Variants in CTNNA2 observed in about 807,000 individuals in gnomAD.
The protein encoded by CTNNA2 is catenin alpha 2.
Under a neutral mutation model 101.0 loss-of-function variants are expected in CTNNA2, and 42 were observed. That is an observed-to-expected ratio of 0.42 (90% CI 0.32 to 0.54). The LOEUF (loss-of-function observed/expected upper bound fraction) is 0.54, where lower values mean the gene tolerates loss of function less well. CTNNA2 is among the 20% of genes least tolerant of loss of function. The pLI, the probability that CTNNA2 is intolerant of heterozygous loss-of-function variation, is 0.14. For synonymous variants in CTNNA2, 450 were observed against 456.4 expected (o/e 0.99, Z 0.18); for missense variants, 871 against 1,223.1 (o/e 0.71, Z 4.29).
At chr2:80,535,744 T>A (rs1185735649) in intron 9 of CTNNA2, among the ~76,000 whole-genome samples, 1 of 152,208 alleles carries the variant, frequency 6.6e-6, no homozygotes, top group East Asian at 1.9e-4. Flanking sequence ...CCACTGAGCA[T>A]CCTTCCCTGA....
chr2:80,295,369 A>G (rs192853228), intron 7 of CTNNA2, among the ~76,000 whole-genome samples: 17 of 152,100 alleles, frequency 1.1e-4, no homozygotes, highest in African/African-American at 3.9e-4. Context: ...TCCCACCCAT[A>G]CATGCCTGAG....
At chr2:79,801,884 C>T (rs571459906) in intron 3 of CTNNA2, among the ~76,000 whole-genome samples, 38 of 150,050 alleles carry the variant, frequency 2.5e-4, no homozygotes, top group Non-Finnish European at 3.5e-4. Context: ...CTAAGCTACT[C>T]GGGAGGCTGA....
rs186410751 is a variant in CTNNA2, at chr2:80,126,780, G to C, written c.1056+216983G>C. ...CTCAGGGCTTGATTAAATCATGGCT[G>C]TCTGATTTAATCTCAACTACCCTTG... On this transcript the variant is annotated intron_variant, in intron 7 of 18. Transcript: ENST00000402739. 2.6e-5 allele frequency among the ~76,000 whole-genome samples: 4 copies of C among 151,966 alleles called. No homozygotes were observed. In the East Asian group the frequency reaches 7.8e-4, roughly 30 times the overall value.
intron 3 of CTNNA2, among the ~76,000 whole-genome samples, chr2:79,371,246 G>A (rs925589359): frequency 2.0e-5 from 3 of 151,976 alleles, no homozygotes; most frequent in Admixed American, 6.6e-5. Context: ...AAGATGCGAT[G>A]GAAGGAGCAC....
intron 2 of CTNNA2, among the ~76,000 whole-genome samples, chr2:79,709,402 A>G (rs1685598395): frequency 6.6e-6 from 1 of 152,168 alleles, no homozygotes; most frequent in Admixed American, 6.5e-5. Flanking sequence ...TATACCAGGG[A>G]CTCAGGTCAA....
chr2:79,407,588 C>T (rs1325301358), intron 4 of CTNNA2, among the ~76,000 whole-genome samples: 1 of 151,908 alleles, frequency 6.6e-6, no homozygotes, highest in Non-Finnish European at 1.5e-5. Flanking sequence ...CCATAGTACC[C>T]TCTAGCAATG....
chr2:79,329,596 C>G (rs1193227005), intron 3 of CTNNA2, among the ~76,000 whole-genome samples: 1 of 152,150 alleles, frequency 6.6e-6, no homozygotes, highest in African/African-American at 2.4e-5. Flanking sequence ...TGCCCAGTAT[C>G]TGTCCTGATT....
At chr2:79,650,718 G>A (rs1205056500) in intron 1 of CTNNA2, among the ~76,000 whole-genome samples, 3 of 150,592 alleles carry the variant, frequency 2.0e-5, no homozygotes, top group East Asian at 2.0e-4. Context: ...CATGTGCCAC[G>A]CTGGTGTGCT....
intron 9 of CTNNA2, among the ~76,000 whole-genome samples, chr2:80,530,358 T>C (rs1027421541): frequency 6.6e-6 from 1 of 151,846 alleles, no homozygotes; most frequent in African/African-American, 2.4e-5. Flanking sequence ...AAAGGAAGAG[T>C]TGTAGGGCAC....
chr2:79,636,924 C>T (rs1680112992), intron 1 of CTNNA2: 2 of 152,060 alleles, frequency 1.3e-5, no homozygotes, highest in South Asian at 2.1e-4. Flanking sequence ...ATAATCTTCT[C>T]CACATCTTTC....
At chr2:79,869,776 T>A (rs745738795) in intron 4 of CTNNA2, 40 bp from the exon 5 acceptor site, 2 of 1,595,832 alleles carry the variant, frequency 1.3e-6, no homozygotes, top group Non-Finnish European at 1.7e-6. Context: ...AATATTTAAA[T>A]ACTATCCACT....
chr2:79,939,642 A>T (rs542566449), intron 7 of CTNNA2, among the ~76,000 whole-genome samples: 1 of 152,244 alleles, frequency 6.6e-6, no homozygotes, highest in East Asian at 1.9e-4. Context: ...TTGTCAATAA[A>T]CTCAATTAGA....
chr2:79,232,932 C>T (rs931371452), intron 2 of CTNNA2, among the ~76,000 whole-genome samples: 6 of 151,874 alleles, frequency 4.0e-5, no homozygotes, highest in African/African-American at 1.5e-4. Flanking sequence ...TTTTTTTCAT[C>T]TTCTTAATTG....
At position 80,303,584 on chromosome 2, in the gene CTNNA2, T is replaced by C; in HGVS notation, c.1057-89627T>C. 1 of 1,614,098 alleles carries C rather than the reference T, an allele frequency of 6.2e-7. No homozygotes were observed. The highest frequency in any genetic ancestry group is 8.5e-7 in the Non-Finnish European group (1 of 1,180,016). ...CCCCGTGAACTGGCCGGCGCGCAGC[T>C]CCGAGAGGCTGTTGTAGCGCAGGGA... On this transcript the variant is annotated intron_variant, in intron 7 of 18. Coordinates refer to ENST00000402739, the MANE Select transcript of CTNNA2 (RefSeq NM_001282597.3). This position sits in a 1 kb window ranked among gnomAD's most constrained non-coding sequence, Gnocchi z 7.7.
intron 3 of CTNNA2, among the ~76,000 whole-genome samples, chr2:79,316,359 G>A (rs1226917500): frequency 6.6e-6 from 1 of 152,004 alleles, no homozygotes; most frequent in African/African-American, 2.4e-5. Flanking sequence ...TTTGAAACTG[G>A]AAGGAGTGAG....
At chr2:79,536,278 C>G (rs904404116) in intron 1 of CTNNA2, among the ~76,000 whole-genome samples, 2 of 152,150 alleles carry the variant, frequency 1.3e-5, no homozygotes, top group Non-Finnish European at 2.9e-5. Context: ...TTGGTTGATT[C>G]TGATCATATA....
intron 1 of CTNNA2, among the ~76,000 whole-genome samples, chr2:79,192,862 A>T (rs1673893420): frequency 1.3e-5 from 2 of 151,986 alleles, no homozygotes; most frequent in Non-Finnish European, 2.9e-5. Flanking sequence ...TATATATATA[A>T]AAAGTGAAGA....
At chr2:80,482,615 G>C (rs7584787) in intron 9 of CTNNA2, among the ~76,000 whole-genome samples, 6,834 of 152,222 alleles carry the variant, frequency 0.045, 475 homozygotes, top group African/African-American at 0.15. Flanking sequence ...CCTTCATCTA[G>C]AGAAATGGTT....
At chr2:79,648,131 G>A (rs1197862211) in intron 1 of CTNNA2, among the ~76,000 whole-genome samples, 1 of 152,176 alleles carries the variant, frequency 6.6e-6, no homozygotes, top group Non-Finnish European at 1.5e-5. Flanking sequence ...AAATGCCTGT[G>A]CATTTTCTCT....
Sources: allele counts gnomAD v4.1 joint callset (sites outside exome capture counted in the v4.1 genomes callset), GRCh38; gene constraint gnomAD v4.1.1; non-coding constraint Gnocchi (gnomAD v3.1); transcripts MANE v1.5; gene names NCBI Gene and HGNC (gene_info 2026-07-23, HGNC 2026-07-21).